PRLR: variants seen among roughly 807,000 people sequenced by gnomAD.
PRLR encodes the protein prolactin receptor, also known as hPRL receptor.
A neutral mutation model predicts 40.2 loss-of-function variants in PRLR; 13 were observed. The observed-to-expected ratio is 0.32, with a 90% CI of 0.21 to 0.51. The LOEUF (loss-of-function observed/expected upper bound fraction) is 0.51. PRLR is among the 20% of genes least tolerant of loss of function. The pLI is 0.97. For synonymous variants in PRLR, 269 were observed against 278.7 expected (o/e 0.97, Z 0.35); for missense variants, 656 against 747.3 (o/e 0.88, Z 1.42).
chr5:35,141,836 C>A (rs748757361), intron 1 of PRLR, among the ~76,000 whole-genome samples: 1 of 152,156 alleles, frequency 6.6e-6, no homozygotes, highest in African/African-American at 2.4e-5. Flanking sequence ...GGATGCCATG[C>A]CCCTGGACCA....
intron 5 of PRLR, among the ~76,000 whole-genome samples, chr5:35,076,503 T>C (rs1239099738): frequency 6.6e-6 from 1 of 150,806 alleles, no homozygotes; most frequent in East Asian, 2.0e-4. Context: ...GAAAAAAGAG[T>C]AAAAAGAAAT....
chr5:35,162,772 C>G (rs16872474), intron 1 of PRLR, among the ~76,000 whole-genome samples: 1,527 of 152,330 alleles, frequency 0.01, 30 homozygotes, highest in African/African-American at 0.035. Flanking sequence ...CTCCACATGC[C>G]TCGTCCCTGT....
At chr5:35,199,518 G>A (rs898042007) in intron 1 of PRLR, among the ~76,000 whole-genome samples, 1 of 152,070 alleles carries the variant, frequency 6.6e-6, no homozygotes, top group Non-Finnish European at 1.5e-5. Flanking sequence ...CTTAAAGGGA[G>A]TGAAATGTGG....
intron 1 of PRLR, among the ~76,000 whole-genome samples, chr5:35,209,020 C>A (rs1487497819): frequency 1.3e-5 from 2 of 152,072 alleles, no homozygotes; most frequent in African/African-American, 4.8e-5. Flanking sequence ...TTGCTACTTA[C>A]ATACACATAT....
At position 35,191,048 on chromosome 5, in the gene PRLR, CTTTTTTTTTTTTTTTTTTTTTTT is replaced by C. The variant is rs869174221; in HGVS notation, c.-106+39197_-106+39219del. Reference sequence around the variant, plus strand: ...ATCCAATTAACAGATGTGTTATTTTCTTTTTTTTTTTTTTTTTTTTTTTTTTTTTTTTTTTTTTTTGAGACGGA... The same window carrying C: ...ATCCAATTAACAGATGTGTTATTTTCTTTTTTTTTTTTTTTTTGAGACGGA... On this transcript the variant is annotated intron_variant, in intron 1 of 9. Transcript: ENST00000618457. 2.9e-5 allele frequency among the ~76,000 whole-genome samples: 2 copies of C among 68,166 alleles called. 1 individual carries two copies. The highest frequency in any genetic ancestry group is 5.5e-5 in the Non-Finnish European group (2 of 36,052). 44.7% of individuals were successfully genotyped at this position (68,166 alleles called of 152,430 possible).
At chr5:35,054,999 C>T (rs1032877778), downstream of PRLR, among the ~76,000 whole-genome samples, 1 of 152,054 alleles carries the variant, frequency 6.6e-6, no homozygotes, top group Non-Finnish European at 1.5e-5. Context: ...AAGGAACAGA[C>T]AAGGCAAAAT....
intron 6 of PRLR, 131 bp from the exon 7 acceptor site, chr5:35,070,396 C>T (rs774137528): frequency 2.8e-4 from 275 of 968,470 alleles, no homozygotes; most frequent in Non-Finnish European, 3.5e-4. Context: ...CACTACTCCA[C>T]TGTCTTAGCC....
chr5:35,103,956 T>A (rs1397025110), intron 2 of PRLR, among the ~76,000 whole-genome samples: 1 of 152,186 alleles, frequency 6.6e-6, no homozygotes. Context: ...TTTCCTTTTT[T>A]TTTTAAAGCT....
chr5:35,052,514 G>C (rs1057165208), downstream of PRLR, among the ~76,000 whole-genome samples: 5 of 152,306 alleles, frequency 3.3e-5, no homozygotes, highest in African/African-American at 9.6e-5. Context: ...CTGCCCTCCT[G>C]TCTGGTCCCT....
intron 2 of PRLR, among the ~76,000 whole-genome samples, chr5:35,114,811 C>A (rs922330060): frequency 2.0e-5 from 3 of 152,214 alleles, no homozygotes; most frequent in African/African-American, 7.2e-5. Flanking sequence ...ACCCCAGTGG[C>A]TCCTCTCTTT....
Position 35,192,036 on chromosome 5 carries a change from C to T in PRLR, c.-106+38232G>A, listed in dbSNP as rs547081265. Among the ~76,000 whole-genome samples the T allele has an allele frequency of 1.9e-3, 292 of 152,310 alleles. 1 individual carries two copies. Among genetic ancestry groups the T allele is most frequent in the African/African-American group, 6.7e-3 (278 of 41,564 alleles). ...GGGTTCCAGGCCCTCTCATGCAGGCCGTGGTCCAAGTGTCCCTCAGGACCA... is the reference window on the plus strand; with the variant it reads ...GGGTTCCAGGCCCTCTCATGCAGGCTGTGGTCCAAGTGTCCCTCAGGACCA... On this transcript the variant is annotated intron_variant, in intron 1 of 9. Coordinates refer to ENST00000618457, the MANE Select transcript of PRLR (RefSeq NM_000949.7).
At chr5:35,189,589 AAAAAG>A (rs1775545001) in intron 1 of PRLR, among the ~76,000 whole-genome samples, 4 of 152,096 alleles carry the variant, frequency 2.6e-5, no homozygotes, top group Admixed American at 2.6e-4. Context: ...TAAAAAAAAA[AAAAAG>A]AAAGTTGTTA....
chr5:35,078,240 C>T lies in PRLR; in HGVS notation c.374-5496G>A, dbSNP rs140858156. Among the ~76,000 whole-genome samples the T allele has an allele frequency of 2.5e-3, 387 of 152,050 alleles. 3 individuals are homozygous for T. Among genetic ancestry groups the T allele is most frequent in the African/African-American group, 8.8e-3 (365 of 41,472 alleles). On this transcript the variant is annotated intron_variant, in intron 5 of 9. Transcript: ENST00000618457. ...TGAAGGTGATAGAGACACAAAAAAC[C>T]TTCAAAAAAATCAGTGAATCCAGGA...
chr5:35,217,274 A>C (rs1604421), intron 1 of PRLR, among the ~76,000 whole-genome samples: 1 of 152,162 alleles, frequency 6.6e-6, no homozygotes, highest in South Asian at 2.1e-4. Flanking sequence ...GACTGAACCC[A>C]TGCAGGCTTA....
At chr5:35,081,496 G>A (rs570929777) in intron 5 of PRLR, 14 of 174,736 alleles carry the variant, frequency 8.0e-5, no homozygotes, top group African/African-American at 3.3e-4. Flanking sequence ...GCATCGGAGG[G>A]CCCCTTCATA....
chr5:35,116,078 C>G (rs879688421), intron 2 of PRLR, among the ~76,000 whole-genome samples: 2 of 152,086 alleles, frequency 1.3e-5, no homozygotes, highest in African/African-American at 4.8e-5. Context: ...TCAGAAGTAT[C>G]TTTGTAATCC....
At chr5:35,088,194 C>T (rs1215562160) in intron 3 of PRLR, among the ~76,000 whole-genome samples, 1 of 152,204 alleles carries the variant, frequency 6.6e-6, no homozygotes, top group Non-Finnish European at 1.5e-5. Flanking sequence ...CTGAAACTCA[C>T]CTACCCTCCT....
At position 35,091,796 on chromosome 5, in the gene PRLR, T is replaced by C. The variant is rs566877735; in HGVS notation, c.-43-2133A>G. On this transcript the variant is annotated intron_variant, in intron 2 of 9. Transcript: ENST00000618457. ...TGAATCCAGCCTCATTAGGTACATA[T>C]AGCCCCAAATAGTTCTTTATCCTGC... is the stretch of plus-strand genomic sequence containing the variant. Among the ~76,000 whole-genome samples, 2 of 152,250 alleles carry C rather than the reference T, an allele frequency of 1.3e-5. 1 individual carries two copies. Among genetic ancestry groups the C allele is most frequent in the South Asian group, 4.1e-4 (2 of 4,834 alleles).
chr5:35,158,320 C>T (rs1014176938), intron 1 of PRLR, among the ~76,000 whole-genome samples: 27 of 151,866 alleles, frequency 1.8e-4, no homozygotes, highest in Non-Finnish European at 1.0e-4. Flanking sequence ...CCACTTACAA[C>T]GCAGTGAAAG....
Sources: allele counts gnomAD v4.1 joint callset (sites outside exome capture counted in the v4.1 genomes callset), GRCh38; gene constraint gnomAD v4.1.1; transcripts MANE v1.5; gene names NCBI Gene and HGNC (gene_info 2026-07-23, HGNC 2026-07-21).